The following FMR1 variants were observed in gnomAD, a reference collection of about 807,000 sequenced individuals.
FMR1 encodes the protein FMRP translational regulator 1.
In FMR1, 13 loss-of-function variants were observed where a neutral mutation model predicts 50.6. The observed-to-expected ratio is 0.26, with a 90% confidence interval of 0.17 to 0.41. The LOEUF is 0.41. FMR1 is among the 10% of genes least tolerant of loss of function. FMR1 has a pLI of 1.00. For synonymous variants in FMR1, 138 were observed against 164.1 expected (o/e 0.84, Z 1.22); for missense variants, 316 against 491.3 (o/e 0.64, Z 3.37).
In FMR1 at chrX:147,942,938, A is replaced by G. The variant is rs1357470958; in HGVS notation, c.1276-193A>G. On this transcript the variant is annotated intron_variant, in intron 13 of 16. Transcript: ENST00000370475. ...ATATCTCTAATTCTTGACATCAATAATCTGTTATCTGTAGTAATTTTCTTT... is the reference window on the plus strand; with the variant it reads ...ATATCTCTAATTCTTGACATCAATAGTCTGTTATCTGTAGTAATTTTCTTT... 3.6e-5 allele frequency among the ~76,000 whole-genome samples: 4 copies of G among 112,096 alleles called. No individual in the cohort carries two copies. The East Asian group carries it at 1.1e-3, about 31-fold the overall frequency.
chrX:147,948,438 T>A, intron 16 of FMR1: 1 of 1,016,887 alleles, frequency 9.8e-7, no homozygotes. Context: ...GATTGTGAGT[T>A]TTTCTCTAAC....
At chrX:147,912,337 G>A in intron 1 of FMR1, 107 bp downstream of exon 1, 3 of 753,881 alleles carry the variant, frequency 4.0e-6, no homozygotes, top group South Asian at 5.0e-5. Flanking sequence ...CACCGCGCCT[G>A]GGTGCCAGGG....
chrX:147,922,421 T>A (rs2043212246), intron 2 of FMR1, among the ~76,000 whole-genome samples: 1 of 112,127 alleles, frequency 8.9e-6, no homozygotes, highest in African/African-American at 3.2e-5. Flanking sequence ...CATGTTTACC[T>A]ATTATCTGAT....
In FMR1 at chrX:147,912,087, C is replaced by T. The variant is rs868956226; in HGVS notation, c.-93C>T. The T allele has an allele frequency of 2.1e-5, 10 of 467,764 alleles. No homozygotes were observed. Among genetic ancestry groups the T allele is most frequent in the Non-Finnish European group, 2.7e-5 (10 of 376,527 alleles). 38.5% of individuals were successfully genotyped at this position (467,764 alleles called of 1,213,427 possible). A position where few individuals can be genotyped will look rare whatever the true frequency, so the allele number is the denominator to read the frequency against. On this transcript the variant is annotated 5_prime_UTR_variant, in exon 1 of 17. Transcript: ENST00000370475. ...GCGGCGGCGGCGGCGGCGGAGGCGGCGGCGGCGGCGGCGGCGGCGGCGGCT... is the reference window on the plus strand; with the variant it reads ...GCGGCGGCGGCGGCGGCGGAGGCGGTGGCGGCGGCGGCGGCGGCGGCGGCT...
intron 3 of FMR1, among the ~76,000 whole-genome samples, chrX:147,926,549 G>A (rs1213209977): frequency 1.8e-5 from 2 of 110,048 alleles, no homozygotes; most frequent in Non-Finnish European, 3.8e-5. Context: ...GTGCAATGGC[G>A]CGATCTTGGC....
chrX:147,941,866 G>A (rs1453668357), intron 13 of FMR1, among the ~76,000 whole-genome samples: 1 of 112,106 alleles, frequency 8.9e-6, no homozygotes, highest in African/African-American at 3.3e-5. Flanking sequence ...CAGCTGCCCT[G>A]TTGCCATTCT....
intron 16 of FMR1, chrX:147,947,536 C>A (rs2044216097): frequency 4.6e-5 from 5 of 109,890 alleles, no homozygotes. Context: ...TGGTGAAACC[C>A]CATCTCTACT....
At chrX:147,917,711 C>G (rs1161248095) in intron 1 of FMR1, among the ~76,000 whole-genome samples, 3 of 111,743 alleles carry the variant, frequency 2.7e-5, no homozygotes, top group African/African-American at 9.8e-5. Flanking sequence ...CTCTACTTTT[C>G]TCTCATTTAT....
At chrX:147,919,679 C>T (rs1489309727) in intron 1 of FMR1, among the ~76,000 whole-genome samples, 1 of 112,055 alleles carries the variant, frequency 8.9e-6, no homozygotes, top group African/African-American at 3.2e-5. Flanking sequence ...CCATTATAGT[C>T]CACCTTGATC....
intron 13 of FMR1, 78 bp downstream of exon 13, chrX:147,940,740 T>C: frequency 1.2e-5 from 8 of 657,454 alleles, no homozygotes; most frequent in Non-Finnish European, 1.8e-5. Flanking sequence ...TTTCAGCAGT[T>C]AGGACTCATT....
chrX:147,930,026 T>C lies in FMR1; in HGVS notation c.498T>C (p.Tyr166=). The change falls in exon 6 of 17, where the codon TAT becomes TAC. Residue 166 remains tyrosine, a synonymous_variant. Transcript: ENST00000370475. ...AFSVTYDPEN[Y]QLVILSINEV... Reference sequence around the variant, plus strand: ...CTGTAACTTATGATCCAGAAAATTATCAGCTTGTCATTTTGGTGAGCATTT... The same window carrying C: ...CTGTAACTTATGATCCAGAAAATTACCAGCTTGTCATTTTGGTGAGCATTT... The C allele has an allele frequency of 1.7e-6, 2 of 1,202,025 alleles. No homozygotes were observed. The highest frequency in any genetic ancestry group is 2.3e-6 in the Non-Finnish European group (2 of 886,617).
At chrX:147,944,666 A>G in intron 14 of FMR1, 1 of 1,051,628 alleles carries the variant, frequency 9.5e-7, no homozygotes, top group Non-Finnish European at 1.2e-6. Flanking sequence ...TTTATAACCA[A>G]AATTAACCTC....
chrX:147,923,428 T>C (rs1264856375), intron 2 of FMR1, among the ~76,000 whole-genome samples: 1 of 111,929 alleles, frequency 8.9e-6, no homozygotes, highest in Non-Finnish European at 1.9e-5. Flanking sequence ...ATTATACACT[T>C]TATCTACTTA....
intron 2 of FMR1, among the ~76,000 whole-genome samples, chrX:147,922,775 A>T (rs2043227605): frequency 9.0e-6 from 1 of 111,573 alleles, no homozygotes; most frequent in Non-Finnish European, 1.9e-5. Context: ...GAAAATTAAT[A>T]ATATATCAAA....
chrX:147,931,191 A>G (rs782770998), intron 7 of FMR1, among the ~76,000 whole-genome samples: 3 of 111,933 alleles, frequency 2.7e-5, no homozygotes, highest in African/African-American at 9.7e-5. Context: ...CATAACTTTT[A>G]GCCCAGAGCT....
chrX:147,950,103 T>G lies in FMR1; in HGVS notation c.*1259T>G. ...GAGTCTTTTTTTTTTAAGTGAAATT[T>G]ATTGAGGAAAAATATGTGAAGGACC... On this transcript the variant is annotated 3_prime_UTR_variant, in exon 17 of 17. Transcript: ENST00000370475. The G allele has an allele frequency of 6.1e-6, 2 of 325,765 alleles. No homozygotes were observed. Among genetic ancestry groups the G allele is most frequent in the Non-Finnish European group, 5.9e-6 (1 of 169,037 alleles). 26.8% of individuals were successfully genotyped at this position (325,765 alleles called of 1,213,427 possible). A position where few individuals can be genotyped will look rare whatever the true frequency, so the allele number is the denominator to read the frequency against.
intron 1 of FMR1, among the ~76,000 whole-genome samples, chrX:147,918,547 T>C (rs1294475643): frequency 3.6e-5 from 3 of 83,821 alleles, no homozygotes; most frequent in Non-Finnish European, 6.7e-5. Context: ...ATTCAGAGCC[T>C]GCAAAAGCTT....
chrX:147,918,246 T>A (rs29294), intron 1 of FMR1, among the ~76,000 whole-genome samples: 2,832 of 111,533 alleles, frequency 0.025, 101 homozygotes, highest in African/African-American at 0.088. Context: ...AGATGGAACC[T>A]TGTTGGAATT....
At chrX:147,921,404 T>C (rs931659993) in intron 1 of FMR1, among the ~76,000 whole-genome samples, 3 of 111,087 alleles carry the variant, frequency 2.7e-5, no homozygotes, top group South Asian at 7.5e-4. Context: ...AACTGGACTT[T>C]TTAGTGTTGT....
Sources: allele counts gnomAD v4.1 joint callset (sites outside exome capture counted in the v4.1 genomes callset), GRCh38; gene constraint gnomAD v4.1.1; transcripts MANE v1.5; gene names NCBI Gene and HGNC (gene_info 2026-07-23, HGNC 2026-07-21).